B3GALT1: variants seen among roughly 807,000 people sequenced by gnomAD.
B3GALT1 encodes UDP-Gal:betaGlcNAc beta 1,3-galactosyltransferase, polypeptide 1.
A neutral mutation model predicts 23.2 loss-of-function variants in B3GALT1; 10 were observed. The observed-to-expected ratio is 0.43, with a 90% CI of 0.27 to 0.73. The LOEUF is 0.73. Among genes scored for constraint, B3GALT1 ranks in the 30% least tolerant of loss-of-function variants. B3GALT1 has a pLI of 0.21. For missense variants in B3GALT1, 299 were observed against 405.4 expected (o/e 0.74, Z 2.25); for synonymous variants, 156 against 141.5 (o/e 1.10, Z -0.73).
chr2:167,447,808 CCTGGGTGAGGCGAT>C (rs1699024435), intron 1 of B3GALT1, among the ~76,000 whole-genome samples: 1 of 152,160 alleles, frequency 6.6e-6, no homozygotes, highest in African/African-American at 2.4e-5. Context: ...CCTTGTGCTT[CCTGGGTGAGGCGAT>C]GCCTCACCCC....
rs78835391 is a variant in B3GALT1, at chr2:167,459,129, A to G, written c.-510-31048A>G. ...ACATTTAAAGTAATTAGTGTCAATG[A>G]GAGAGTTAATTCTGTCATTTTTTCA... On this transcript the variant is annotated intron_variant, in intron 1 of 4. Transcript: ENST00000392690. Among the ~76,000 whole-genome samples the G allele has an allele frequency of 5.8e-3, 882 of 152,278 alleles. 9 individuals carry two copies. The highest frequency in any genetic ancestry group is 0.02 in the African/African-American group (846 of 41,562).
At chr2:167,693,527 CTT>C (rs1686746949) in intron 3 of B3GALT1, among the ~76,000 whole-genome samples, 1 of 152,044 alleles carries the variant, frequency 6.6e-6, no homozygotes, top group Non-Finnish European at 1.5e-5. Flanking sequence ...AATCTACAGT[CTT>C]TTGCAGAAAC....
At chr2:167,433,927 T>A (rs924107023) in intron 1 of B3GALT1, among the ~76,000 whole-genome samples, 4 of 152,002 alleles carry the variant, frequency 2.6e-5, no homozygotes. Context: ...GATTCTATCA[T>A]AAATAAATAA....
At chr2:167,456,874 A>G (rs111784810) in intron 1 of B3GALT1, among the ~76,000 whole-genome samples, 74 of 152,190 alleles carry the variant, frequency 4.9e-4, no homozygotes, top group African/African-American at 1.7e-3. Context: ...AGGATTTTTT[A>G]TGGATGTGTC....
intron 2 of B3GALT1, among the ~76,000 whole-genome samples, chr2:167,607,447 G>A (rs542692450): frequency 7.9e-5 from 12 of 152,200 alleles, no homozygotes; most frequent in Middle Eastern, 6.8e-3. Flanking sequence ...ATCATATGAC[G>A]CCACCTTATT....
chr2:167,568,425 G>A (rs1038991458), intron 2 of B3GALT1, among the ~76,000 whole-genome samples: 3 of 151,862 alleles, frequency 2.0e-5, no homozygotes, highest in Admixed American at 6.6e-5. Context: ...TCTAGATTTT[G>A]GTCATTCTAA....
At chr2:167,629,144 A>G (rs997706019) in intron 2 of B3GALT1, among the ~76,000 whole-genome samples, 2 of 151,642 alleles carry the variant, frequency 1.3e-5, no homozygotes, top group Non-Finnish European at 3.0e-5. Context: ...GGCTTTTCAG[A>G]TATTGTTTTC....
At chr2:167,399,587 TG>T (rs1698154281) in intron 1 of B3GALT1, among the ~76,000 whole-genome samples, 1 of 152,116 alleles carries the variant, frequency 6.6e-6, no homozygotes, top group African/African-American at 2.4e-5. Context: ...TTTTTATTTT[TG>T]TTTTTTTCTG....
chr2:167,358,986 G>T (rs1036668590), intron 1 of B3GALT1, among the ~76,000 whole-genome samples: 12 of 151,916 alleles, frequency 7.9e-5, no homozygotes, highest in African/African-American at 2.7e-4. Flanking sequence ...TATTTTAGTA[G>T]AGACGGGGTT....
chr2:167,476,843 A>T (rs1406238345), intron 1 of B3GALT1, among the ~76,000 whole-genome samples: 1 of 152,216 alleles, frequency 6.6e-6, no homozygotes, highest in East Asian at 1.9e-4. Context: ...AGCAAAGAAG[A>T]AAAAGAAGAA....
At chr2:167,622,586 A>G (rs1574173707) in intron 2 of B3GALT1, among the ~76,000 whole-genome samples, 2 of 152,110 alleles carry the variant, frequency 1.3e-5, no homozygotes, top group East Asian at 3.9e-4. Flanking sequence ...AGTCATAAGC[A>G]TCTTAATATG....
At chr2:167,472,014 C>A (rs765987130) in intron 1 of B3GALT1, among the ~76,000 whole-genome samples, 5 of 152,172 alleles carry the variant, frequency 3.3e-5, no homozygotes, top group Non-Finnish European at 5.9e-5. Flanking sequence ...AAGGAACTTC[C>A]TTTCTGTGGC....
At chr2:167,321,062 G>T (rs1319803145) in intron 1 of B3GALT1, among the ~76,000 whole-genome samples, 1 of 151,984 alleles carries the variant, frequency 6.6e-6, no homozygotes, top group African/African-American at 2.4e-5. Context: ...TTAGAAATGG[G>T]AAGAAAATCT....
chr2:167,585,082 GGCC>G, intron 2 of B3GALT1, among the ~76,000 whole-genome samples: 1 of 152,006 alleles, frequency 6.6e-6, no homozygotes, highest in African/African-American at 2.4e-5. Flanking sequence ...GCTACCCAGG[GGCC>G]TCCAGCCACC....
At chr2:167,459,000 G>T (rs539239733) in intron 1 of B3GALT1, among the ~76,000 whole-genome samples, 1 of 152,138 alleles carries the variant, frequency 6.6e-6, no homozygotes, top group Admixed American at 6.5e-5. Context: ...ATCTATTTGT[G>T]CCTTTGGATA....
At chr2:167,823,062 A>G (rs1689141237) in intron 4 of B3GALT1, among the ~76,000 whole-genome samples, 1 of 152,190 alleles carries the variant, frequency 6.6e-6, no homozygotes, top group Non-Finnish European at 1.5e-5. Flanking sequence ...GGAAGGAGGT[A>G]TGCCTCCTCT....
chr2:167,672,857 A>G (rs985659561), intron 3 of B3GALT1, among the ~76,000 whole-genome samples: 11 of 152,100 alleles, frequency 7.2e-5, no homozygotes, highest in African/African-American at 2.4e-4. Context: ...TTGAATAATT[A>G]TAACTATATT....
At chr2:167,375,200 A>G (rs959481918) in intron 1 of B3GALT1, among the ~76,000 whole-genome samples, 5 of 151,958 alleles carry the variant, frequency 3.3e-5, no homozygotes, top group African/African-American at 4.8e-5. Context: ...TAGTCTAGGT[A>G]TCTGTTTTTG....
chr2:167,855,417 G>A (rs767863081), intron 4 of B3GALT1, among the ~76,000 whole-genome samples: 52 of 151,558 alleles, frequency 3.4e-4, no homozygotes, highest in Admixed American at 5.9e-4. Context: ...TCTGTAAAAT[G>A]GGAACCATGC....
Sources: gnomAD v4.1 joint callset for allele counts (sites outside exome capture counted in the v4.1 genomes callset) on GRCh38, gnomAD v4.1.1 for gene constraint, MANE v1.5 for transcripts, NCBI Gene and HGNC (gene_info 2026-07-23, HGNC 2026-07-21) for gene names.